The following TRIM25 variants were observed in gnomAD, a reference collection of about 807,000 sequenced individuals.
TRIM25 encodes the protein E3 ubiquitin/ISG15 ligase TRIM25.
Under a neutral mutation model 65.2 loss-of-function variants are expected in TRIM25, and 45 were observed. The observed-to-expected ratio is 0.69, with a 90% CI of 0.54 to 0.89. The LOEUF is 0.89. TRIM25 is among the 40% of genes least tolerant of loss of function. The probability of loss-of-function intolerance (pLI) is 0.00; values close to 1 mark genes in which losing one functional copy is unlikely to be tolerated. For synonymous variants in TRIM25, 321 were observed against 340.4 expected, an observed-to-expected ratio of 0.94 and a Z score of 0.63; for missense variants, 714 against 803.7, an observed-to-expected ratio of 0.89 and a Z score of 1.35.
At chr17:56,893,071 G>A (rs1433817724) in intron 8 of TRIM25, among the ~76,000 whole-genome samples, 2 of 152,202 alleles carry the variant, frequency 1.3e-5, no homozygotes, top group African/African-American at 4.8e-5. Flanking sequence ...GTGAAGCCAC[G>A]GAGTGCCAAG....
intron 8 of TRIM25, among the ~76,000 whole-genome samples, chr17:56,893,460 G>C (rs942788429): frequency 1.8e-4 from 28 of 152,224 alleles, no homozygotes; most frequent in South Asian, 4.1e-4. Flanking sequence ...GCCTCTCTTG[G>C]GGGGCAGGGA....
At chr17:56,901,391 G>A in intron 4 of TRIM25, 28 bp downstream of exon 4, 1 of 1,608,888 alleles carries the variant, frequency 6.2e-7, no homozygotes, top group Non-Finnish European at 8.5e-7. Context: ...GTTCCACAGG[G>A]GGCAGCATAG....
Position 56,890,196 on chromosome 17 carries a change from T to C in TRIM25, c.*1504A>G. 3.6e-6 allele frequency: 1 copy of C among 277,742 alleles called. No individual in the cohort carries two copies. Among genetic ancestry groups the C allele is most frequent in the Non-Finnish European group, 6.9e-6 (1 of 145,576 alleles). 17.2% of individuals were successfully genotyped at this position (277,742 alleles called of 1,614,324 possible). On this transcript the variant is annotated 3_prime_UTR_variant, in exon 9 of 9. Coordinates refer to ENST00000316881, the MANE Select transcript of TRIM25 (RefSeq NM_005082.5). Reference sequence around the variant, plus strand: ...GCTCTCCTCTAAGCAAAGCCCAGAGTTGGACTCATTTCACTATAAGAGGCT... The same window carrying C: ...GCTCTCCTCTAAGCAAAGCCCAGAGCTGGACTCATTTCACTATAAGAGGCT...
chr17:56,904,353 T>C lies in TRIM25; in HGVS notation c.829A>G (p.Ile277Val), dbSNP rs200957804. The C allele has an allele frequency of 1.1e-3, 1,855 of 1,614,156 alleles. 31 individuals are homozygous for C. The South Asian group carries it at 0.019, about 17-fold the overall frequency. The change falls in exon 3 of 9, where the codon ATT becomes GTT. Residue 277 changes from isoleucine to valine, a missense_variant. Physicochemically the swap from Ile to Val is conservative, Grantham distance 29. Transcript: ENST00000316881. Reference sequence around the variant, plus strand: ...TTCTTCTTGAGGAGAATCTGATAAATGGTGTCAAACTTGCTGTTGACCCTC... The same window carrying C: ...TTCTTCTTGAGGAGAATCTGATAAACGGTGTCAAACTTGCTGTTGACCCTC... ...EKRVNSKFDT[I>V]YQILLKKKSE...
At chr17:56,906,533 A>G (rs1478796738) in intron 2 of TRIM25, among the ~76,000 whole-genome samples, 1 of 151,926 alleles carries the variant, frequency 6.6e-6, no homozygotes, top group Non-Finnish European at 1.5e-5. Flanking sequence ...CACTCTTGTC[A>G]CCCAGGCTGA....
intron 2 of TRIM25, among the ~76,000 whole-genome samples, chr17:56,906,590 T>C (rs1239727994): frequency 6.6e-6 from 1 of 152,044 alleles, no homozygotes; most frequent in East Asian, 1.9e-4. Context: ...GCCTCCCGGG[T>C]TCAAGTAATT....
At chr17:56,896,301 T>C (rs1909292190) in intron 5 of TRIM25, among the ~76,000 whole-genome samples, 1 of 151,594 alleles carries the variant, frequency 6.6e-6, no homozygotes, top group African/African-American at 2.4e-5. Flanking sequence ...TGCAGGTAAA[T>C]TATATTTCCA....
intron 3 of TRIM25, 139 bp from the exon 4 acceptor site, chr17:56,901,717 G>T: frequency 9.4e-7 from 1 of 1,064,984 alleles, no homozygotes; most frequent in Non-Finnish European, 1.4e-6. Flanking sequence ...CAGGCCAGAG[G>T]TCACCAGGAG....
Position 56,904,496 on chromosome 17 carries a change from G to GACTGTTT in TRIM25, c.694-9_694-8insAAACAGT. ...CTTTCTGTTTGCAGTCATCTGAGAG[G>GACTGTTT]GCCAAGGTAAGAGGATGCCCGTCAA... is the stretch of plus-strand genomic sequence containing the variant. On this transcript the variant is annotated splice_polypyrimidine_tract_variant and intron_variant, in intron 2 of 8. Transcript: ENST00000316881. 1 of 1,613,480 alleles carries GACTGTTT rather than the reference G, an allele frequency of 6.2e-7. No individual in the cohort carries two copies. The highest frequency in any genetic ancestry group is 1.1e-5 in the South Asian group (1 of 91,058).
chr17:56,893,944 A>T (rs1459960582), intron 8 of TRIM25, among the ~76,000 whole-genome samples: 1 of 152,072 alleles, frequency 6.6e-6, no homozygotes, highest in Non-Finnish European at 1.5e-5. Context: ...TGGCACGAGG[A>T]TTAGACTTCA....
intron 1 of TRIM25, among the ~76,000 whole-genome samples, chr17:56,911,075 G>T (rs958674635): frequency 2.0e-5 from 3 of 152,050 alleles, no homozygotes; most frequent in Non-Finnish European, 2.9e-5. Flanking sequence ...GACCAGCCTG[G>T]ACAACATAGT....
chr17:56,900,471 G>C (rs537844316), intron 4 of TRIM25, among the ~76,000 whole-genome samples: 2 of 152,152 alleles, frequency 1.3e-5, no homozygotes, highest in South Asian at 4.1e-4. Flanking sequence ...GGAAGAATGC[G>C]ATACTACCCA....
rs545691056 is a variant in TRIM25, at chr17:56,890,734, C to T, written c.*966G>A. ...TCACAATCCAGGGAAGAGAGGCTAT[C>T]ACCGAGAAGAGTTGTCAGTAAGAAG... On this transcript the variant is annotated 3_prime_UTR_variant, in exon 9 of 9. Transcript: ENST00000316881. 2.2e-6 allele frequency: 1 copy of T among 456,682 alleles called. No individual in the cohort carries two copies. The highest frequency in any genetic ancestry group is 7.0e-5 in the East Asian group (1 of 14,386). 28.3% of individuals were successfully genotyped at this position (456,682 alleles called of 1,614,324 possible).
At chr17:56,896,910 G>GCCTGGACAACATATCAATAT (rs1909305516) in intron 5 of TRIM25, among the ~76,000 whole-genome samples, 1 of 151,566 alleles carries the variant, frequency 6.6e-6, no homozygotes, top group Non-Finnish European at 1.5e-5. Context: ...TTCAAGATCA[G>GCCTGGACAACATATCAATAT]CCTGGACAAC....
chr17:56,894,223 A>G (rs1329982926), intron 8 of TRIM25, among the ~76,000 whole-genome samples: 4 of 152,150 alleles, frequency 2.6e-5, no homozygotes, highest in African/African-American at 4.8e-5. Context: ...AACAGGGCCC[A>G]GGAATTTGGT....
At position 56,913,382 on chromosome 17, in the gene TRIM25, C is replaced by G. The variant is rs755624444; in HGVS notation, c.597+10G>C. On this transcript the variant is annotated intron_variant, in intron 1 of 8. Coordinates refer to ENST00000316881, the MANE Select transcript of TRIM25 (RefSeq NM_005082.5). This position sits in a 1 kb window ranked among gnomAD's most constrained non-coding sequence, Gnocchi z 6.1. ...AGGCTGCCCTCTGCACCCAGCAGGC[C>G]GTTCCCTACCTCCAGGTCGGCGCTG... The G allele has an allele frequency of 6.5e-7, 1 of 1,549,410 alleles. No individual in the cohort carries two copies. Among genetic ancestry groups the G allele is most frequent in the Non-Finnish European group, 8.7e-7 (1 of 1,142,978 alleles).
chr17:56,910,335 C>T (rs1909602853), intron 1 of TRIM25, among the ~76,000 whole-genome samples: 1 of 152,210 alleles, frequency 6.6e-6, no homozygotes, highest in Non-Finnish European at 1.5e-5. Flanking sequence ...ACCAAGGCCA[C>T]ACTAACTCAA....
Position 56,892,017 on chromosome 17 carries a change from C to T in TRIM25, c.1576G>A (p.Val526Ile). 1.2e-6 allele frequency: 2 copies of T among 1,614,202 alleles called. No individual in the cohort carries two copies. Among genetic ancestry groups the T allele is most frequent in the East Asian group, 2.2e-5 (1 of 44,878 alleles). ...TTCATGCTTCCGTAGCAGATGCCTA[C>T]CCCACAGAAGTTGTTCTTCTGCAGC... ...VELQKNNFCG[V>I]GICYGSMNRQ... Residue 526 changes from valine (V) to isoleucine (I), a missense_variant, in exon 9 of 9, where the codon GTA becomes ATA. Val to Ile is a conservative substitution (Grantham distance 29). Coordinates refer to ENST00000316881, the MANE Select transcript of TRIM25 (RefSeq NM_005082.5).
Position 56,913,062 on chromosome 17 carries a change from C to T in TRIM25, c.597+330G>A, listed in dbSNP as rs1909660462. 4.9e-6 allele frequency: 1 copy of T among 203,258 alleles called. No individual in the cohort carries two copies. Among genetic ancestry groups the T allele is most frequent in the Admixed American group, 6.0e-5 (1 of 16,680 alleles). 12.6% of individuals were successfully genotyped at this position (203,258 alleles called of 1,614,324 possible). On this transcript the variant is annotated intron_variant, in intron 1 of 8. Transcript: ENST00000316881. The surrounding 1 kb of genome is among the most constrained non-coding windows in gnomAD (Gnocchi z 6.1). ...GGCTGAGGTAGGAGGATCCCTTAAG[C>T]CCGGGAAGTCGAGGCTGCAGTGAGC... is the stretch of plus-strand genomic sequence containing the variant.
Sources: allele counts gnomAD v4.1 joint callset (sites outside exome capture counted in the v4.1 genomes callset), GRCh38; gene constraint gnomAD v4.1.1; non-coding constraint Gnocchi (gnomAD v3.1); transcripts MANE v1.5; gene names NCBI Gene and HGNC (gene_info 2026-07-23, HGNC 2026-07-21).